The following KCNS3 variants were observed in gnomAD, a reference collection of about 807,000 sequenced individuals.
KCNS3 encodes the protein delayed-rectifier potassium channel regulatory subunit KCNS3.
In KCNS3, 13 loss-of-function variants were observed where a neutral mutation model predicts 31.0. That is an observed-to-expected ratio of 0.42 (90% confidence interval 0.27 to 0.67). KCNS3 has a LOEUF of 0.67. Ranked by LOEUF, KCNS3 falls within the 30% of genes least tolerant of loss-of-function variation. The pLI, the probability that KCNS3 is intolerant of heterozygous loss-of-function variation, is 0.25. For synonymous variants in KCNS3, 238 were observed against 241.5 expected (o/e 0.99, Z 0.13); for missense variants, 545 against 622.4 (o/e 0.88, Z 1.32).
At position 17,892,725 on chromosome 2, in the gene KCNS3, C is replaced by T. The variant is rs532292545; in HGVS notation, c.-252+13919C>T. Among the ~76,000 whole-genome samples, 49 of 152,252 alleles carry T rather than the reference C, an allele frequency of 3.2e-4. 1 individual carries two copies. In the South Asian group the frequency reaches 5.8e-3, roughly 18 times the overall value. ...CTCTTTTCTGGGTCTAGCCACCCAG[C>T]GAGTCTGCCCAGCTCTGGGCTGGTC... On this transcript the variant is annotated intron_variant, in intron 1 of 2. Coordinates refer to ENST00000304101, the MANE Select transcript of KCNS3 (RefSeq NM_002252.5).
intron 1 of KCNS3, among the ~76,000 whole-genome samples, chr2:17,884,262 AAAAAAAATATAT>A (rs1414840680): frequency 3.0e-3 from 157 of 51,756 alleles, no homozygotes; most frequent in African/African-American, 8.6e-3. Flanking sequence ...TAATTAAAAA[AAAAAAAATATAT>A]ATATATATAT....
At chr2:17,905,827 G>A (rs1662300998) in intron 1 of KCNS3, among the ~76,000 whole-genome samples, 2 of 152,148 alleles carry the variant, frequency 1.3e-5, no homozygotes. Flanking sequence ...GATCATGGTG[G>A]GTAAGCTTTT....
intron 1 of KCNS3, among the ~76,000 whole-genome samples, chr2:17,883,996 T>C (rs1473455222): frequency 1.3e-5 from 2 of 149,780 alleles, no homozygotes; most frequent in Non-Finnish European, 3.0e-5. Flanking sequence ...CTCAGCAAAC[T>C]ATCGCAAGGA....
Position 17,931,392 on chromosome 2 carries a change from C to T in KCNS3, c.384C>T (p.Asn128=). 1 of 1,614,136 alleles carries T rather than the reference C, an allele frequency of 6.2e-7. No individual in the cohort carries two copies. The highest frequency in any genetic ancestry group is 1.7e-5 in the Admixed American group (1 of 60,026). ...GCTACCAGGAACGCAAGGAGGAAAA[C>T]CACGAGAAGGACTGGGACCAGAAAA... ...SNRYQERKEE[N]HEKDWDQKSH... The change falls in exon 3 of 3, where the codon AAC becomes AAT. Residue 128 remains asparagine, a synonymous_variant. Transcript: ENST00000304101. The surrounding 1 kb of genome is among the most constrained non-coding windows in gnomAD (Gnocchi z 5.4).
At chr2:17,893,289 T>C (rs1661902752) in intron 1 of KCNS3, among the ~76,000 whole-genome samples, 2 of 152,070 alleles carry the variant, frequency 1.3e-5, no homozygotes, top group South Asian at 4.1e-4. Flanking sequence ...CAGCCTGGAG[T>C]CTGTTTCCAG....
chr2:17,879,861 G>T (rs1381718265), intron 1 of KCNS3, among the ~76,000 whole-genome samples: 1 of 152,208 alleles, frequency 6.6e-6, no homozygotes, highest in African/African-American at 2.4e-5. Context: ...GCCCTGGTTT[G>T]GTGCCAAGGC....
intron 1 of KCNS3, among the ~76,000 whole-genome samples, chr2:17,907,218 CT>C (rs961644520): frequency 3.3e-5 from 5 of 152,132 alleles, no homozygotes; most frequent in Non-Finnish European, 5.9e-5. Context: ...ATGTAATGGC[CT>C]TCTTTGTCTC....
intron 1 of KCNS3, among the ~76,000 whole-genome samples, chr2:17,913,965 C>T (rs1662529177): frequency 1.3e-5 from 2 of 152,170 alleles, no homozygotes; most frequent in African/African-American, 2.4e-5. Flanking sequence ...GAGGCTGAGA[C>T]ATCTTGCCGT....
At chr2:17,919,454 G>T (rs1662663197) in intron 2 of KCNS3, 1 of 152,226 alleles carries the variant, frequency 6.6e-6, no homozygotes, top group African/African-American at 2.4e-5. Flanking sequence ...ACCTGCCCAA[G>T]GTCATGCAGA....
intron 1 of KCNS3, among the ~76,000 whole-genome samples, chr2:17,903,176 A>G (rs1397967392): frequency 6.6e-6 from 1 of 152,206 alleles, no homozygotes; most frequent in African/African-American, 2.4e-5. Context: ...CTATTGGCAA[A>G]TGTCAACCAA....
chr2:17,896,427 G>T (rs1662029551), intron 1 of KCNS3, among the ~76,000 whole-genome samples: 1 of 152,094 alleles, frequency 6.6e-6, no homozygotes, highest in African/African-American at 2.4e-5. Context: ...GAAGCAAAAT[G>T]ATGTCACTGG....
In KCNS3 at chr2:17,932,148, C is replaced by T. The variant is rs1305537372; in HGVS notation, c.1140C>T (p.Thr380=). ...GCTATGGAGACACCCACCCGGTCACCTTGGCGGGAAAGCTCATCGCCAGCA... is the reference window on the plus strand; with the variant it reads ...GCTATGGAGACACCCACCCGGTCACTTTGGCGGGAAAGCTCATCGCCAGCA... ...TVGYGDTHPV[T]LAGKLIASTC... is the part of the protein sequence containing the mutation. Residue 380 remains threonine, a synonymous_variant, in exon 3 of 3, where the codon ACC becomes ACT. Transcript: ENST00000304101. The T allele has an allele frequency of 6.2e-7, 1 of 1,614,096 alleles. No individual in the cohort carries two copies. Among genetic ancestry groups the T allele is most frequent in the East Asian group, 2.2e-5 (1 of 44,860 alleles).
chr2:17,878,952 C>A (rs1475695357), intron 1 of KCNS3, 146 bp downstream of exon 1: 1 of 152,350 alleles, frequency 6.6e-6, no homozygotes, highest in Non-Finnish European at 1.5e-5. Context: ...GGTCTACGGC[C>A]GCAGAGCACT....
At chr2:17,923,906 G>T (rs1173316525) in intron 2 of KCNS3, among the ~76,000 whole-genome samples, 1 of 151,910 alleles carries the variant, frequency 6.6e-6, no homozygotes, top group East Asian at 1.9e-4. Flanking sequence ...AAAAAAGGCA[G>T]CTAGGATTTT....
At chr2:17,914,120 G>A (rs1662535105) in intron 1 of KCNS3, among the ~76,000 whole-genome samples, 1 of 152,110 alleles carries the variant, frequency 6.6e-6, no homozygotes, top group Non-Finnish European at 1.5e-5. Flanking sequence ...TTTCACCTCA[G>A]GTGTCCCAGA....
At chr2:17,908,309 G>A (rs1050346048) in intron 1 of KCNS3, among the ~76,000 whole-genome samples, 32 of 152,138 alleles carry the variant, frequency 2.1e-4, no homozygotes, top group African/African-American at 7.2e-4. Context: ...TTTCAGCTCC[G>A]TCAGGTCATT....
chr2:17,927,630 C>T lies in KCNS3; in HGVS notation c.-59-3320C>T, dbSNP rs184724188. Among the ~76,000 whole-genome samples the T allele has an allele frequency of 5.5e-3, 840 of 152,162 alleles. 7 individuals carry two copies. Among genetic ancestry groups the T allele is most frequent in the Non-Finnish European group, 7.8e-3 (527 of 67,998 alleles). Reference sequence around the variant, plus strand: ...TGAGAGATGAGCAAAGGGGGAAGAGCCCCTAATAAAACCATCAAATCTTGT... The same window carrying T: ...TGAGAGATGAGCAAAGGGGGAAGAGTCCCTAATAAAACCATCAAATCTTGT... On this transcript the variant is annotated intron_variant, in intron 2 of 2. Transcript: ENST00000304101.
At chr2:17,888,982 A>T (rs977300387) in intron 1 of KCNS3, among the ~76,000 whole-genome samples, 11 of 151,784 alleles carry the variant, frequency 7.2e-5, no homozygotes, top group African/African-American at 2.4e-4. Context: ...TGGTATTTTG[A>T]TGGGGATTGC....
chr2:17,905,028 T>G (rs1216275403), intron 1 of KCNS3, among the ~76,000 whole-genome samples: 1 of 152,208 alleles, frequency 6.6e-6, no homozygotes, highest in African/African-American at 2.4e-5. Flanking sequence ...GGGATGGCAT[T>G]GAATCTATAA....
Sources: allele counts gnomAD v4.1 joint callset (sites outside exome capture counted in the v4.1 genomes callset), GRCh38; gene constraint gnomAD v4.1.1; non-coding constraint Gnocchi (gnomAD v3.1); transcripts MANE v1.5; gene names NCBI Gene and HGNC (gene_info 2026-07-23, HGNC 2026-07-21).